The following C17orf67 variants were observed in gnomAD, a reference collection of about 807,000 sequenced individuals.
C17orf67 encodes chromosome 17 open reading frame 67.
C17orf67 carries 12 observed loss-of-function variants against 11.2 expected under a neutral mutation model. The observed-to-expected ratio is 1.07, with a 90% CI of 0.68 to 1.73. C17orf67 has a LOEUF of 1.73. Among genes scored for constraint, C17orf67 ranks in the 40% most tolerant of loss-of-function variants. C17orf67 has a pLI of 0.00. For missense variants in C17orf67, 115 were observed against 113.5 expected, an observed-to-expected ratio of 1.01 and a Z score of -0.06; for synonymous variants, 59 against 46.9, an observed-to-expected ratio of 1.26 and a Z score of -1.05.
chr17:56,810,152 T>A (rs200184874), intron 6 of C17orf67, among the ~76,000 whole-genome samples: 1 of 116,604 alleles, frequency 8.6e-6, no homozygotes, highest in Non-Finnish European at 1.7e-5. Flanking sequence ...CGCACACCCC[T>A]CACACCCCCA....
chr17:56,825,131 C>G lies in C17orf67; in HGVS notation c.-366G>C, dbSNP rs1905995057. 6.6e-6 allele frequency: 1 copy of G among 152,200 alleles called. No homozygotes were observed. Among genetic ancestry groups the G allele is most frequent in the Admixed American group, 6.5e-5 (1 of 15,286 alleles). The allele number at this position is 152,200 out of a possible 1,614,324, so 9.4% of individuals were successfully genotyped here. ...TTCCTAGCTCCACTTCATATTCTGA[C>G]TTCAGAGACCTGGTCAGGACCACAG... On this transcript the variant is annotated 5_prime_UTR_variant, in exon 3 of 8. Coordinates refer to ENST00000397861, the MANE Select transcript of C17orf67 (RefSeq NM_001085430.4).
intron 6 of C17orf67, 63 bp from the exon 7 acceptor site, chr17:56,795,243 C>T (rs72837332): frequency 0.14 from 201,949 of 1,446,824 alleles, 14,718 homozygotes; most frequent in South Asian, 0.17. Flanking sequence ...GATCAATATG[C>T]GTGGTGTGGC....
chr17:56,820,719 C>A (rs933376521), intron 4 of C17orf67, among the ~76,000 whole-genome samples: 1 of 151,092 alleles, frequency 6.6e-6, no homozygotes, highest in Non-Finnish European at 1.5e-5. Context: ...AATGCTACCA[C>A]CCATATTCAC....
chr17:56,811,673 T>C (rs1349517133), intron 6 of C17orf67, among the ~76,000 whole-genome samples: 1 of 152,156 alleles, frequency 6.6e-6, no homozygotes, highest in Admixed American at 6.5e-5. Flanking sequence ...AGGAAGAATG[T>C]CTGGTTTATC....
At chr17:56,812,845 G>A (rs1905664027) in intron 6 of C17orf67, among the ~76,000 whole-genome samples, 1 of 152,186 alleles carries the variant, frequency 6.6e-6, no homozygotes, top group Middle Eastern at 3.2e-3. Context: ...AAGTTTTTGA[G>A]CAGGGGAAGG....
At chr17:56,805,971 C>T (rs1322648333) in intron 6 of C17orf67, among the ~76,000 whole-genome samples, 17 of 98,014 alleles carry the variant, frequency 1.7e-4, no homozygotes, top group Middle Eastern at 9.6e-3. Context: ...GTTGATTTTC[C>T]TTTTTTTTTT....
chr17:56,813,125 C>A (rs1364682053), intron 6 of C17orf67, among the ~76,000 whole-genome samples: 2 of 152,166 alleles, frequency 1.3e-5, no homozygotes, highest in Non-Finnish European at 2.9e-5. Flanking sequence ...CCAGCTCCCC[C>A]AGCCCCTGCC....
intron 4 of C17orf67, among the ~76,000 whole-genome samples, chr17:56,820,767 CTTTTTTT>C (rs746734939): frequency 5.8e-4 from 71 of 122,502 alleles, no homozygotes; most frequent in East Asian, 5.3e-3. Flanking sequence ...GTGAGTTTCC[CTTTTTTT>C]TTTTTTTTTT....
chr17:56,821,692 C>A (rs1397710584), intron 4 of C17orf67, among the ~76,000 whole-genome samples: 1 of 152,212 alleles, frequency 6.6e-6, no homozygotes. Flanking sequence ...TATTTACAGG[C>A]ATACTGTGCA....
Position 56,815,934 on chromosome 17 carries a change from G to A in C17orf67, c.-124C>T. 4 of 1,542,642 alleles carry A rather than the reference G, an allele frequency of 2.6e-6. No homozygotes were observed. Among genetic ancestry groups the A allele is most frequent in the Non-Finnish European group, 3.5e-6 (4 of 1,136,148 alleles). On this transcript the variant is annotated 5_prime_UTR_variant, in exon 5 of 8. Transcript: ENST00000397861. ...TGACTAACGGGACTTACGGTATGAT[G>A]CTGAATGTATCTGACTCTGAGCGTT... is the stretch of plus-strand genomic sequence containing the variant.
chr17:56,832,842 ACG>A (rs1257796172), intron 2 of C17orf67, 54 bp downstream of exon 2: 1 of 152,258 alleles, frequency 6.6e-6, no homozygotes, highest in Non-Finnish European at 1.5e-5. Context: ...ATACAAATAT[ACG>A]CACATACACA....
intron 6 of C17orf67, among the ~76,000 whole-genome samples, chr17:56,812,883 G>C (rs889388826): frequency 6.6e-6 from 1 of 152,182 alleles, no homozygotes; most frequent in Non-Finnish European, 1.5e-5. Context: ...TTTAGGGCCA[G>C]AGTCTAGCCT....
intron 7 of C17orf67, among the ~76,000 whole-genome samples, chr17:56,792,655 ATGG>A (rs1905127454): frequency 8.9e-6 from 1 of 111,980 alleles, no homozygotes; most frequent in African/African-American, 3.2e-5. Context: ...GATGGTGCTG[ATGG>A]TGGTGATGGT....
chr17:56,810,427 C>CACCCTCATACAT, intron 6 of C17orf67, among the ~76,000 whole-genome samples: 1 of 150,864 alleles, frequency 6.6e-6, no homozygotes, highest in South Asian at 2.1e-4. Context: ...CCCTCACACA[C>CACCCTCATACAT]ACCCTCATAC....
At chr17:56,821,253 A>AT (rs1235892402) in intron 4 of C17orf67, among the ~76,000 whole-genome samples, 6 of 152,120 alleles carry the variant, frequency 3.9e-5, no homozygotes. Context: ...ATGTGTCGAC[A>AT]TTTTTTAGGC....
intron 4 of C17orf67, among the ~76,000 whole-genome samples, chr17:56,823,531 T>A (rs1215462959): frequency 6.6e-6 from 1 of 152,060 alleles, no homozygotes; most frequent in East Asian, 1.9e-4. Flanking sequence ...AAAAAAGGAA[T>A]GTTCAGAAAA....
intron 6 of C17orf67, 193 bp from the exon 7 acceptor site, chr17:56,795,373 G>C (rs889677251): frequency 1.2e-5 from 7 of 581,082 alleles, no homozygotes; most frequent in African/African-American, 5.6e-5. Context: ...GCAAAATAAA[G>C]AAGTCTGACA....
intron 2 of C17orf67, among the ~76,000 whole-genome samples, chr17:56,832,135 A>C (rs564041225): frequency 1.4e-4 from 22 of 152,134 alleles, no homozygotes; most frequent in African/African-American, 5.1e-4. Flanking sequence ...TTTAGTAGAG[A>C]CGGGGTTTCA....
chr17:56,831,956 CT>C (rs968445128), intron 2 of C17orf67, among the ~76,000 whole-genome samples: 11 of 151,408 alleles, frequency 7.3e-5, no homozygotes, highest in Non-Finnish European at 1.2e-4. Flanking sequence ...CTTTTTCTTT[CT>C]TTTTTTTTGA....
Sources: allele counts gnomAD v4.1 joint callset (sites outside exome capture counted in the v4.1 genomes callset), GRCh38; gene constraint gnomAD v4.1.1; transcripts MANE v1.5; gene names NCBI Gene and HGNC (gene_info 2026-07-23, HGNC 2026-07-21).